Variants in CSMD3 observed in about 807,000 individuals in gnomAD.
CSMD3 encodes the protein CUB and Sushi multiple domains 3.
Under a neutral mutation model 435.2 loss-of-function variants are expected in CSMD3, and 177 were observed. The ratio of observed to expected loss-of-function variants is 0.41; its 90% CI spans 0.36 to 0.46. The LOEUF is 0.46. CSMD3 is among the 20% of genes least tolerant of loss of function. CSMD3 has a pLI of 0.34. For missense variants in CSMD3, 4,265 were observed against 4,504.6 expected (o/e 0.95, Z 1.52); for synonymous variants, 1,656 against 1,520.5 (o/e 1.09, Z -2.07).
intron 5 of CSMD3, among the ~76,000 whole-genome samples, chr8:113,054,066 G>C (rs894826028): frequency 3.3e-5 from 5 of 152,006 alleles, no homozygotes; most frequent in Non-Finnish European, 1.5e-5. Flanking sequence ...AGAACTATAT[G>C]GAAAACTTTA....
chr8:112,455,188 T>C (rs2130631238), intron 32 of CSMD3, among the ~76,000 whole-genome samples: 1 of 152,242 alleles, frequency 6.6e-6, no homozygotes, highest in Admixed American at 6.5e-5. Flanking sequence ...TGGAATAACT[T>C]AGGTGGTCAT....
intron 1 of CSMD3, among the ~76,000 whole-genome samples, chr8:113,359,620 C>T (rs1285471245): frequency 1.3e-5 from 2 of 152,138 alleles, no homozygotes; most frequent in East Asian, 3.9e-4. Flanking sequence ...TGGCAGTATC[C>T]ACATAAAAGA....
chr8:113,303,591 C>T (rs1193424528), intron 2 of CSMD3, among the ~76,000 whole-genome samples: 1 of 145,078 alleles, frequency 6.9e-6, no homozygotes, highest in Non-Finnish European at 1.5e-5. Flanking sequence ...AGAACAGAGC[C>T]CTCAGAAATA....
At chr8:112,978,258 C>A (rs780307819) in intron 6 of CSMD3, among the ~76,000 whole-genome samples, 9 of 151,936 alleles carry the variant, frequency 5.9e-5, no homozygotes, top group Non-Finnish European at 1.3e-4. Flanking sequence ...TGTCTGAGCA[C>A]GCCTACCTTT....
At chr8:113,189,150 GA>G (rs1157635120) in intron 3 of CSMD3, among the ~76,000 whole-genome samples, 1 of 151,764 alleles carries the variant, frequency 6.6e-6, no homozygotes, top group Non-Finnish European at 1.5e-5. Flanking sequence ...TTAACATTTA[GA>G]ATGTATTTTA....
At chr8:112,308,327 G>C (rs955907052) in intron 50 of CSMD3, among the ~76,000 whole-genome samples, 6 of 152,028 alleles carry the variant, frequency 3.9e-5, no homozygotes, top group Non-Finnish European at 5.9e-5. Context: ...TGTTGGTGTA[G>C]TATAGATTGA....
chr8:113,422,846 G>A (rs1258951330), intron 1 of CSMD3, among the ~76,000 whole-genome samples: 1 of 151,764 alleles, frequency 6.6e-6, no homozygotes, highest in Non-Finnish European at 1.5e-5. Flanking sequence ...ATTGTATTTA[G>A]GTATCAGCTA....
chr8:113,061,414 A>G (rs1194382899), intron 5 of CSMD3, among the ~76,000 whole-genome samples: 1 of 152,110 alleles, frequency 6.6e-6, no homozygotes, highest in East Asian at 1.9e-4. Context: ...TGAGTCAGGA[A>G]GTTAAGCTCC....
At chr8:112,822,421 AC>A (rs2132440380) in intron 12 of CSMD3, among the ~76,000 whole-genome samples, 1 of 152,052 alleles carries the variant, frequency 6.6e-6, no homozygotes, top group East Asian at 1.9e-4. Context: ...GCAATTGTAA[AC>A]TGGAGTTCAC....
intron 36 of CSMD3, among the ~76,000 whole-genome samples, chr8:112,388,048 A>G (rs1476607099): frequency 6.6e-6 from 1 of 152,190 alleles, no homozygotes; most frequent in Non-Finnish European, 1.5e-5. Context: ...TTCCACAGAA[A>G]ATGTATTTAA....
Position 112,311,073 on chromosome 8 carries a change from T to A in CSMD3, c.7790A>T (p.Asp2597Val), listed in dbSNP as rs371472675. 38 of 1,614,090 alleles carry A rather than the reference T, an allele frequency of 2.4e-5. No individual in the cohort carries two copies. The highest frequency in any genetic ancestry group is 3.0e-5 in the Non-Finnish European group (35 of 1,179,986). Residue 2597 changes from aspartate to valine, a missense_variant, in exon 50 of 71, where the codon GAT becomes GTT. By Grantham distance (152) the Asp-to-Val change is radical. Around this residue, in one of 3 missense-constraint regions of CSMD3, gnomAD observed 3,255 missense variants for 3,380.2 expected, o/e 0.96. Transcript: ENST00000297405. ...QLNSVVRWAC[D>V]RGFRLVGKSS... is the part of the protein sequence containing the mutation. ...TTTTCCAACAAGTCGGAATCCTCGA[T>A]CACAGGCCCAACGGACCACACTGTT...
intron 32 of CSMD3, among the ~76,000 whole-genome samples, chr8:112,467,847 G>A (rs1818116261): frequency 6.6e-6 from 1 of 152,128 alleles, no homozygotes; most frequent in Middle Eastern, 3.2e-3. Context: ...CAGAAACTAG[G>A]AAGAAGCAAT....
At chr8:112,944,031 T>C (rs1227501910) in intron 9 of CSMD3, among the ~76,000 whole-genome samples, 3 of 151,680 alleles carry the variant, frequency 2.0e-5, no homozygotes. Context: ...AGATTCATTA[T>C]CATCAATCTC....
chr8:112,574,681 C>A (rs1586715690), intron 23 of CSMD3, among the ~76,000 whole-genome samples: 1 of 152,026 alleles, frequency 6.6e-6, no homozygotes, highest in African/African-American at 2.4e-5. Flanking sequence ...TTCTTGGGAG[C>A]AATAATATTT....
At chr8:112,835,999 A>T (rs2080012724) in intron 11 of CSMD3, among the ~76,000 whole-genome samples, 1 of 151,810 alleles carries the variant, frequency 6.6e-6, no homozygotes, top group Admixed American at 6.6e-5. Context: ...GGGAGTTTTT[A>T]TGGAGTTACC....
chr8:113,349,520 AC>A, intron 1 of CSMD3, among the ~76,000 whole-genome samples: 1 of 152,158 alleles, frequency 6.6e-6, no homozygotes, highest in Non-Finnish European at 1.5e-5. Context: ...AGTGGCTCAT[AC>A]CTGTAAACTC....
At chr8:112,269,563 CA>C (rs1156288999) in intron 59 of CSMD3, among the ~76,000 whole-genome samples, 7 of 152,098 alleles carry the variant, frequency 4.6e-5, no homozygotes, top group African/African-American at 1.7e-4. Flanking sequence ...GTCTTCTTCC[CA>C]AAACACCATA....
At chr8:112,684,986 G>C (rs921194909) in intron 15 of CSMD3, among the ~76,000 whole-genome samples, 10 of 152,048 alleles carry the variant, frequency 6.6e-5, no homozygotes, top group Non-Finnish European at 1.5e-4. Flanking sequence ...TTAATTCTAT[G>C]CCATGATTAG....
At position 112,286,934 on chromosome 8, in the gene CSMD3, C is replaced by A. The variant is rs962181298; in HGVS notation, c.9331+130G>T. 8 of 776,396 alleles carry A rather than the reference C, an allele frequency of 1.0e-5. No homozygotes were observed. The South Asian group carries it at 1.2e-4, about 11-fold the overall frequency. 48.1% of individuals were successfully genotyped at this position (776,396 alleles called of 1,614,324 possible). A position where few individuals can be genotyped will look rare whatever the true frequency, so the allele number is the denominator to read the frequency against. ...AGATGGTTACAGTATAATGGGAATACGACTGTTTTATTTCATAGTTGCAGG... is the reference window on the plus strand; with the variant it reads ...AGATGGTTACAGTATAATGGGAATAAGACTGTTTTATTTCATAGTTGCAGG... On this transcript the variant is annotated intron_variant, in intron 58 of 70. Coordinates refer to ENST00000297405, the MANE Select transcript of CSMD3 (RefSeq NM_198123.2).
Sources: allele counts gnomAD v4.1 joint callset (sites outside exome capture counted in the v4.1 genomes callset), GRCh38; gene constraint gnomAD v4.1.1; regional missense constraint gnomAD v4.1.1; transcripts MANE v1.5; gene names NCBI Gene and HGNC (gene_info 2026-07-23, HGNC 2026-07-21).